Variants in NFIL3 observed in about 807,000 individuals in gnomAD.
NFIL3 encodes the protein nuclear factor, interleukin 3 regulated.
In NFIL3, 5 loss-of-function variants were observed where a neutral mutation model predicts 10.0. The observed-to-expected ratio is 0.50, with a 90% confidence interval of 0.26 to 1.06. The LOEUF (loss-of-function observed/expected upper bound fraction) is 1.06. NFIL3 is among the 50% of genes least tolerant of loss of function. NFIL3 has a pLI of 0.13. For missense variants in NFIL3, 436 were observed against 547.6 expected (o/e 0.80, Z 2.03); for synonymous variants, 202 against 206.5 (o/e 0.98, Z 0.19).
At chr9:91,424,041 G>A (rs1422636757), upstream of NFIL3, among the ~76,000 whole-genome samples, 1 of 146,872 alleles carries the variant, frequency 6.8e-6, no homozygotes. Flanking sequence ...CTACCAGCTC[G>A]CGTCCCTCCC....
chr9:91,455,096 C>T, the NFIL3 span, among the ~76,000 whole-genome samples: 2 of 152,074 alleles, frequency 1.3e-5, no homozygotes, highest in Non-Finnish European at 2.9e-5. Flanking sequence ...ATGAGTTATA[C>T]GAATATGAGG....
chr9:91,431,949 A>T, the NFIL3 span, among the ~76,000 whole-genome samples: 1 of 152,052 alleles, frequency 6.6e-6, no homozygotes, highest in Non-Finnish European at 1.5e-5. Flanking sequence ...TTTGTCTTGG[A>T]CGCCTTTCCC....
At chr9:91,456,307 A>T in the NFIL3 span, among the ~76,000 whole-genome samples, 1 of 152,150 alleles carries the variant, frequency 6.6e-6, no homozygotes, top group East Asian at 1.9e-4. Context: ...AACTTGCCAA[A>T]CAGCTTTCCA....
At chr9:91,460,549 T>A in the NFIL3 span, among the ~76,000 whole-genome samples, 1 of 152,082 alleles carries the variant, frequency 6.6e-6, no homozygotes, top group Admixed American at 6.6e-5. Context: ...AGTGCTGGGA[T>A]TACGGGTGTG....
the NFIL3 span, among the ~76,000 whole-genome samples, chr9:91,445,822 C>T: frequency 9.3e-4 from 141 of 152,112 alleles, 1 homozygote; most frequent in African/African-American, 3.2e-3. Context: ...TGACTGAAAT[C>T]GGGGGGATGG....
At chr9:91,465,987 G>A in the NFIL3 span, among the ~76,000 whole-genome samples, 1 of 152,080 alleles carries the variant, frequency 6.6e-6, no homozygotes, top group Admixed American at 6.6e-5. Context: ...GTGTGTGTGT[G>A]TGTGTATGTG....
the NFIL3 span, among the ~76,000 whole-genome samples, chr9:91,439,287 T>C: frequency 7.9e-5 from 12 of 152,166 alleles, no homozygotes; most frequent in Non-Finnish European, 1.6e-4. Context: ...TGGGACTGTT[T>C]TCTTGATTTT....
the NFIL3 span, among the ~76,000 whole-genome samples, chr9:91,464,368 A>C: frequency 1.3e-5 from 2 of 151,998 alleles, no homozygotes; most frequent in Admixed American, 1.3e-4. Context: ...AAACTAACTT[A>C]ACTCTACCTT....
At chr9:91,445,272 C>G in the NFIL3 span, among the ~76,000 whole-genome samples, 1 of 152,138 alleles carries the variant, frequency 6.6e-6, no homozygotes, top group Non-Finnish European at 1.5e-5. Flanking sequence ...GGATGAGATA[C>G]CACACAGTAG....
chr9:91,434,849 TA>T, the NFIL3 span, among the ~76,000 whole-genome samples: 23 of 150,538 alleles, frequency 1.5e-4, no homozygotes, highest in East Asian at 5.8e-4. Context: ...CTATCGCAAT[TA>T]AAAAAAAAAT....
chr9:91,471,486 C>CTTTTTTTTTT, the NFIL3 span, among the ~76,000 whole-genome samples: 2 of 132,078 alleles, frequency 1.5e-5, no homozygotes, highest in Non-Finnish European at 3.3e-5. Flanking sequence ...CAGTCTGTGT[C>CTTTTTTTTTT]TTTTTTTTTT....
chr9:91,452,127 T>A, the NFIL3 span, among the ~76,000 whole-genome samples: 2 of 152,144 alleles, frequency 1.3e-5, no homozygotes, highest in African/African-American at 2.4e-5. Flanking sequence ...CCTCCTCCCT[T>A]TTGGAATTCA....
chr9:91,435,732 C>T, the NFIL3 span, among the ~76,000 whole-genome samples: 29,711 of 152,154 alleles, frequency 0.2, 3,311 homozygotes, highest in African/African-American at 0.29. Flanking sequence ...GGGTCCCTTA[C>T]TGAGACTTTC....
At chr9:91,418,645 C>T (rs1281302219) in intron 1 of NFIL3, among the ~76,000 whole-genome samples, 1 of 152,162 alleles carries the variant, frequency 6.6e-6, no homozygotes. Flanking sequence ...CAGTTAATTA[C>T]AGTTTAAGAC....
chr9:91,458,185 A>G, the NFIL3 span, among the ~76,000 whole-genome samples: 1 of 152,090 alleles, frequency 6.6e-6, no homozygotes. Context: ...TGTTCTCTCT[A>G]ATTTTCTGGA....
At chr9:91,427,999 T>C (rs1318357534), upstream of NFIL3, among the ~76,000 whole-genome samples, 1 of 152,138 alleles carries the variant, frequency 6.6e-6, no homozygotes, top group East Asian at 1.9e-4. Flanking sequence ...GTAGCCTTAG[T>C]GAGGTTCTCC....
chr9:91,414,619 C>A (rs1245852724), intron 1 of NFIL3, among the ~76,000 whole-genome samples: 2 of 152,238 alleles, frequency 1.3e-5, no homozygotes, highest in African/African-American at 4.8e-5. Flanking sequence ...CACTATAAAT[C>A]TGTGATTCTG....
At chr9:91,460,271 C>CTTTTTTTTGTTTTTTTTTTTTTTT in the NFIL3 span, among the ~76,000 whole-genome samples, 3 of 70,444 alleles carry the variant, frequency 4.3e-5, no homozygotes, top group African/African-American at 1.9e-4. Flanking sequence ...GGGCTTGGTT[C>CTTTTTTTTGTTTTTTTTTTTTTTT]TTTTTTTTTT....
At chr9:91,412,098 C>CAAAAAAAAA (rs56891881) in intron 1 of NFIL3, among the ~76,000 whole-genome samples, 1 of 76,872 alleles carries the variant, frequency 1.3e-5, no homozygotes, top group African/African-American at 4.8e-5. Flanking sequence ...AAGACTCTGT[C>CAAAAAAAAA]AAAAAAAAAA....
Sources: allele counts gnomAD v4.1 joint callset (sites outside exome capture counted in the v4.1 genomes callset), GRCh38; gene constraint gnomAD v4.1.1; transcripts MANE v1.5; gene names NCBI Gene and HGNC (gene_info 2026-07-23, HGNC 2026-07-21).